The following CCSER1 variants were observed in gnomAD, a reference collection of about 807,000 sequenced individuals.
CCSER1 encodes serine-rich coiled-coil domain-containing protein 1.
CCSER1 carries 41 observed loss-of-function variants against 82.0 expected under a neutral mutation model. The observed-to-expected ratio is 0.50, with a 90% CI of 0.39 to 0.65. The LOEUF is 0.65. Among genes scored for constraint, CCSER1 ranks in the 30% least tolerant of loss-of-function variants. The pLI is 0.00. For synonymous variants in CCSER1, 414 were observed against 383.9 expected (o/e 1.08, Z -0.92); for missense variants, 1,119 against 1,064.2 (o/e 1.05, Z -0.72).
At chr4:90,566,752 G>A (rs1779440090) in intron 5 of CCSER1, among the ~76,000 whole-genome samples, 2 of 151,674 alleles carry the variant, frequency 1.3e-5, no homozygotes, top group South Asian at 2.1e-4. Flanking sequence ...ACAGACGCCC[G>A]CCACCACGCC....
chr4:90,724,686 A>G, intron 7 of CCSER1: 1 of 360,376 alleles, frequency 2.8e-6, no homozygotes, highest in Non-Finnish European at 5.5e-6. Flanking sequence ...TAAGAGCCTG[A>G]GGAAAAAAAC....
chr4:91,544,911 G>C (rs1761806157), intron 10 of CCSER1, among the ~76,000 whole-genome samples: 1 of 152,184 alleles, frequency 6.6e-6, no homozygotes, highest in African/African-American at 2.4e-5. Flanking sequence ...CAGAGTTGGA[G>C]TCTACAGAGG....
chr4:90,340,466 T>A (rs2153503915), intron 3 of CCSER1, among the ~76,000 whole-genome samples: 1 of 152,288 alleles, frequency 6.6e-6, no homozygotes, highest in Non-Finnish European at 1.5e-5. Context: ...CAAATTGAAT[T>A]TCATTTGTGA....
chr4:90,589,010 T>C (rs1782365384), intron 5 of CCSER1, among the ~76,000 whole-genome samples: 1 of 151,792 alleles, frequency 6.6e-6, no homozygotes, highest in South Asian at 2.1e-4. Context: ...GTAGTTGAAC[T>C]ATTATTATAA....
At chr4:90,304,531 A>T (rs558802841) in intron 1 of CCSER1, among the ~76,000 whole-genome samples, 1 of 152,360 alleles carries the variant, frequency 6.6e-6, no homozygotes, top group African/African-American at 2.4e-5. Flanking sequence ...CATCATTCTC[A>T]GTAAACTATC....
At chr4:91,361,442 TAGG>T (rs1044266028) in intron 10 of CCSER1, among the ~76,000 whole-genome samples, 2 of 151,794 alleles carry the variant, frequency 1.3e-5, no homozygotes, top group African/African-American at 4.8e-5. Context: ...CTTTCTGAAG[TAGG>T]AGATGATTAG....
intron 10 of CCSER1, among the ~76,000 whole-genome samples, chr4:91,205,210 A>G (rs1246726131): frequency 6.6e-6 from 1 of 151,800 alleles, no homozygotes; most frequent in Non-Finnish European, 1.5e-5. Context: ...TTTTTTCTTC[A>G]ATATTAAATC....
At chr4:90,697,732 G>A (rs1214744548) in intron 6 of CCSER1, among the ~76,000 whole-genome samples, 2 of 152,068 alleles carry the variant, frequency 1.3e-5, no homozygotes, top group African/African-American at 4.8e-5. Flanking sequence ...AATAAAAGGC[G>A]TATGAAAGGA....
At chr4:91,494,537 T>C (rs1220326925) in intron 10 of CCSER1, among the ~76,000 whole-genome samples, 1 of 151,816 alleles carries the variant, frequency 6.6e-6, no homozygotes, top group African/African-American at 2.4e-5. Context: ...AAAAGAGTAC[T>C]AAGAAATATA....
At chr4:90,835,412 T>C (rs1191857822) in intron 8 of CCSER1, among the ~76,000 whole-genome samples, 1 of 152,222 alleles carries the variant, frequency 6.6e-6, no homozygotes, top group Non-Finnish European at 1.5e-5. Flanking sequence ...CAGCTCATAT[T>C]TGAGCTTCTA....
chr4:90,532,858 A>C lies in CCSER1; in HGVS notation c.1724+64504A>C, dbSNP rs192968094. On this transcript the variant is annotated intron_variant, in intron 5 of 10. Coordinates refer to ENST00000509176, the MANE Select transcript of CCSER1 (RefSeq NM_001145065.2). ...AGTAGCTTCCTCCTCTACTTCTCCC[A>C]AGTATCTATCTTGGCTTTTTTGTAT... Among the ~76,000 whole-genome samples the C allele has an allele frequency of 5.2e-3, 795 of 152,186 alleles. 18 individuals are homozygous for C. The highest frequency in any genetic ancestry group is 0.045 in the Admixed American group (681 of 15,294).
chr4:90,170,706 C>G (rs1359482493), intron 1 of CCSER1, among the ~76,000 whole-genome samples: 1 of 151,750 alleles, frequency 6.6e-6, no homozygotes, highest in Non-Finnish European at 1.5e-5. Context: ...GGATCTCATT[C>G]TTTTTTATGG....
chr4:90,869,894 T>A (rs2150025555), intron 8 of CCSER1, among the ~76,000 whole-genome samples: 1 of 152,082 alleles, frequency 6.6e-6, no homozygotes, highest in Non-Finnish European at 1.5e-5. Context: ...GAATGTTTCA[T>A]AGTTTTTATT....
intron 10 of CCSER1, among the ~76,000 whole-genome samples, chr4:91,160,294 A>G (rs1731255196): frequency 6.6e-6 from 1 of 152,188 alleles, no homozygotes; most frequent in Admixed American, 6.5e-5. Context: ...CCAGTCTGTA[A>G]TTGATGGACA....
At chr4:91,523,584 C>T (rs1020460851) in intron 10 of CCSER1, among the ~76,000 whole-genome samples, 11 of 152,130 alleles carry the variant, frequency 7.2e-5, no homozygotes, top group African/African-American at 2.4e-4. Context: ...GATGCAACTT[C>T]TTCCTGGTTT....
At chr4:90,902,661 G>C (rs1724831299) in intron 8 of CCSER1, among the ~76,000 whole-genome samples, 1 of 152,062 alleles carries the variant, frequency 6.6e-6, no homozygotes, top group African/African-American at 2.4e-5. Flanking sequence ...AAGGCTTAGG[G>C]TGAGGAGGAA....
At chr4:90,248,365 G>A (rs1338460584) in intron 1 of CCSER1, among the ~76,000 whole-genome samples, 1 of 152,170 alleles carries the variant, frequency 6.6e-6, no homozygotes, top group African/African-American at 2.4e-5. Context: ...TGCATTAGCA[G>A]GTTCTTAATG....
chr4:90,833,026 C>T (rs191689496), intron 8 of CCSER1, among the ~76,000 whole-genome samples: 5 of 152,256 alleles, frequency 3.3e-5, no homozygotes, highest in African/African-American at 1.2e-4. Context: ...TTTCAAATAA[C>T]CTAATGGGCT....
At chr4:90,570,291 G>A (rs1219447176) in intron 5 of CCSER1, among the ~76,000 whole-genome samples, 2 of 152,156 alleles carry the variant, frequency 1.3e-5, no homozygotes, top group Non-Finnish European at 2.9e-5. Flanking sequence ...AAGCCTAGTT[G>A]GTCAGGCCTG....
Sources: allele counts gnomAD v4.1 joint callset (sites outside exome capture counted in the v4.1 genomes callset), GRCh38; gene constraint gnomAD v4.1.1; transcripts MANE v1.5; gene names NCBI Gene and HGNC (gene_info 2026-07-23, HGNC 2026-07-21).